Variants in ATG10 observed in about 807,000 individuals in gnomAD.
ATG10 encodes the protein ubiquitin-like-conjugating enzyme ATG10.
Under a neutral mutation model 32.1 loss-of-function variants are expected in ATG10, and 30 were observed. That is an observed-to-expected ratio of 0.94 (90% CI 0.70 to 1.27). The LOEUF (loss-of-function observed/expected upper bound fraction) is 1.27. Ranked by LOEUF, ATG10 falls within the 50% of genes most tolerant of loss-of-function variation. The probability of loss-of-function intolerance (pLI) is 0.00; values close to 1 mark genes in which losing one functional copy is unlikely to be tolerated. For synonymous variants in ATG10, 87 were observed against 91.5 expected, an observed-to-expected ratio of 0.95 and a Z score of 0.28; for missense variants, 233 against 262.3, an observed-to-expected ratio of 0.89 and a Z score of 0.77.
Position 82,118,400 on chromosome 5 carries a change from A to ATATATAT in ATG10, c.217-45994_217-45993insATTATAT, listed in dbSNP as rs371581160. ...ATAATATATGTACATATATATATAT[A>ATATATAT]TATATGTATGTATATATTCCCTAGC... is the stretch of plus-strand genomic sequence containing the variant. On this transcript the variant is annotated intron_variant, in intron 3 of 7. Transcript: ENST00000282185. Among the ~76,000 whole-genome samples the ATATATAT allele has an allele frequency of 4.8e-4, 56 of 115,832 alleles. 5 individuals carry two copies. Among genetic ancestry groups the ATATATAT allele is most frequent in the South Asian group, 9.3e-4 (3 of 3,232 alleles). The allele number at this position is 115,832 out of a possible 152,430, so 76.0% of individuals were successfully genotyped here.
chr5:82,087,219 G>A (rs946635896), intron 3 of ATG10, among the ~76,000 whole-genome samples: 6 of 152,072 alleles, frequency 3.9e-5, no homozygotes, highest in African/African-American at 1.4e-4. Flanking sequence ...AAATAAACAT[G>A]GTTTGAAATA....
At chr5:82,151,824 G>T (rs1767608464) in intron 3 of ATG10, among the ~76,000 whole-genome samples, 2 of 146,548 alleles carry the variant, frequency 1.4e-5, no homozygotes, top group Admixed American at 1.4e-4. Flanking sequence ...TCATTGAAAG[G>T]CATCCAGAAC....
chr5:82,138,215 C>T (rs1766850330), intron 3 of ATG10, among the ~76,000 whole-genome samples: 1 of 152,156 alleles, frequency 6.6e-6, no homozygotes, highest in Admixed American at 6.5e-5. Flanking sequence ...GGCTTCAGCC[C>T]CCTTTCCAGG....
intron 3 of ATG10, among the ~76,000 whole-genome samples, chr5:82,066,415 A>G (rs1323254537): frequency 6.6e-6 from 1 of 152,178 alleles, no homozygotes; most frequent in Non-Finnish European, 1.5e-5. Flanking sequence ...TTATTACTTC[A>G]GAGCCTCAGG....
At chr5:81,994,826 C>G (rs956393833) in intron 2 of ATG10, among the ~76,000 whole-genome samples, 1 of 152,066 alleles carries the variant, frequency 6.6e-6, no homozygotes, top group African/African-American at 2.4e-5. Flanking sequence ...TAATGTTCTC[C>G]TAGAGTCACA....
intron 2 of ATG10, among the ~76,000 whole-genome samples, chr5:82,042,401 A>G (rs1429118562): frequency 1.3e-5 from 2 of 152,166 alleles, no homozygotes; most frequent in Non-Finnish European, 2.9e-5. Context: ...ACAATTCGAC[A>G]TGAGATTTGG....
chr5:82,197,762 CTA>C (rs1419784702), intron 5 of ATG10, among the ~76,000 whole-genome samples: 2 of 148,010 alleles, frequency 1.4e-5, no homozygotes, highest in African/African-American at 2.6e-5. Context: ...ATCTATCTAT[CTA>C]TCTATCTATC....
chr5:81,980,862 C>T (rs1479785409), intron 1 of ATG10, among the ~76,000 whole-genome samples: 1 of 152,084 alleles, frequency 6.6e-6, no homozygotes, highest in Non-Finnish European at 1.5e-5. Context: ...GGAGGGGCAA[C>T]TCAGGATCTG....
chr5:82,028,396 C>T (rs1348670889), intron 2 of ATG10, among the ~76,000 whole-genome samples: 1 of 152,054 alleles, frequency 6.6e-6, no homozygotes, highest in African/African-American at 2.4e-5. Flanking sequence ...TACTTTGAAA[C>T]AAATAAAGTA....
At chr5:82,194,587 G>T (rs141703167) in intron 5 of ATG10, among the ~76,000 whole-genome samples, 2 of 152,170 alleles carry the variant, frequency 1.3e-5, no homozygotes, top group Admixed American at 6.6e-5. Flanking sequence ...ACTGAGATCA[G>T]TGTGGCCAGG....
intron 1 of ATG10, 37 bp downstream of exon 1, chr5:81,972,343 C>A (rs1436463361): frequency 6.6e-6 from 1 of 152,356 alleles, no homozygotes; most frequent in Non-Finnish European, 1.5e-5. Context: ...GTTGTCTCCT[C>A]CCGGCTCTGC....
intron 2 of ATG10, among the ~76,000 whole-genome samples, chr5:81,991,551 T>C (rs767487376): frequency 6.6e-6 from 1 of 152,166 alleles, no homozygotes; most frequent in African/African-American, 2.4e-5. Flanking sequence ...TTGTTTACTT[T>C]GGGAGGCCAA....
chr5:82,022,152 G>A (rs1239761506), intron 2 of ATG10, among the ~76,000 whole-genome samples: 2 of 147,610 alleles, frequency 1.4e-5, no homozygotes, highest in Admixed American at 6.7e-5. Flanking sequence ...TTGCGCCACT[G>A]CACTCCAGCC....
chr5:82,038,074 A>G (rs1351041674), intron 2 of ATG10, among the ~76,000 whole-genome samples: 3 of 152,228 alleles, frequency 2.0e-5, no homozygotes, highest in Non-Finnish European at 4.4e-5. Flanking sequence ...CAAGATAAAG[A>G]TTGTCTTAGC....
At chr5:82,093,905 AG>A (rs1291248278) in intron 3 of ATG10, among the ~76,000 whole-genome samples, 1 of 152,178 alleles carries the variant, frequency 6.6e-6, no homozygotes, top group Non-Finnish European at 1.5e-5. Flanking sequence ...GACTTTGCTC[AG>A]TGCCCCATGA....
chr5:82,114,440 A>G (rs778991449), intron 3 of ATG10, among the ~76,000 whole-genome samples: 15 of 152,032 alleles, frequency 9.9e-5, no homozygotes, highest in Non-Finnish European at 1.5e-5. Flanking sequence ...TACTAAACCA[A>G]TTATTTGGTT....
intron 2 of ATG10, among the ~76,000 whole-genome samples, chr5:82,013,118 C>T (rs189627579): frequency 4.1e-4 from 63 of 152,222 alleles, no homozygotes; most frequent in Non-Finnish European, 6.9e-4. Flanking sequence ...CACACCACCA[C>T]GCCCGGCCAA....
chr5:82,106,635 A>G (rs577826369), intron 3 of ATG10, among the ~76,000 whole-genome samples: 1 of 152,232 alleles, frequency 6.6e-6, no homozygotes, highest in South Asian at 2.1e-4. Flanking sequence ...ACCAATCTTT[A>G]ACAGCCTCTG....
At chr5:82,240,665 G>GT (rs1193787426) in intron 5 of ATG10, among the ~76,000 whole-genome samples, 1 of 152,130 alleles carries the variant, frequency 6.6e-6, no homozygotes, top group Non-Finnish European at 1.5e-5. Context: ...GATTTGGAAT[G>GT]TTCCCAACAT....
Sources: gnomAD v4.1 joint callset for allele counts (sites outside exome capture counted in the v4.1 genomes callset) on GRCh38, gnomAD v4.1.1 for gene constraint, MANE v1.5 for transcripts, NCBI Gene and HGNC (gene_info 2026-07-23, HGNC 2026-07-21) for gene names.